The following CDH18 variants were observed in gnomAD, a reference collection of about 807,000 sequenced individuals.
CDH18 encodes the protein cadherin 18.
In CDH18, 31 loss-of-function variants were observed where a neutral mutation model predicts 67.9. The observed-to-expected ratio is 0.46, with a 90% CI of 0.34 to 0.62. The LOEUF is 0.62. CDH18 is among the 20% of genes least tolerant of loss of function. CDH18 has a pLI of 0.01. For synonymous variants in CDH18, 362 were observed against 347.2 expected (o/e 1.04, Z -0.48); for missense variants, 890 against 975.5 (o/e 0.91, Z 1.17).
At chr5:20,116,506 A>T (rs984556399) in intron 2 of CDH18, among the ~76,000 whole-genome samples, 64 of 150,362 alleles carry the variant, frequency 4.3e-4, no homozygotes, top group African/African-American at 1.5e-3. Context: ...ACAGAGAGAG[A>T]CTCCCTCTTA....
chr5:20,279,725 A>AAAAAAAAAAAAAAAAC lies in CDH18; in HGVS notation c.-579-24221_-579-24220insGTTTTTTTTTTTTTTT, dbSNP rs59764100. ...AAAAAAAAAAAAAAAAAAAAAAAAA[A>AAAAAAAAAAAAAAAAC]AAAGCAAAAACTGTAAGAGCGAGAT... is the stretch of plus-strand genomic sequence containing the variant. On this transcript the variant is annotated intron_variant, in intron 1 of 14. Coordinates refer to the CDH18 transcript ENST00000507958. Among the ~76,000 whole-genome samples, 36 of 128,852 alleles carry AAAAAAAAAAAAAAAAC rather than the reference A, an allele frequency of 2.8e-4. 1 individual carries two copies. The highest frequency in any genetic ancestry group is 7.1e-4 in the East Asian group (3 of 4,224). 84.5% of individuals were successfully genotyped at this position (128,852 alleles called of 152,430 possible).
intron 2 of CDH18, among the ~76,000 whole-genome samples, chr5:20,200,525 A>C (rs1398029594): frequency 6.6e-6 from 1 of 152,032 alleles, no homozygotes; most frequent in Non-Finnish European, 1.5e-5. Context: ...AAAGTATAAA[A>C]ATTAGCTGGG....
chr5:20,263,434 T>A (rs1744810557), intron 1 of CDH18, among the ~76,000 whole-genome samples: 1 of 152,164 alleles, frequency 6.6e-6, no homozygotes, highest in South Asian at 2.1e-4. Flanking sequence ...CAAACAAATA[T>A]AAAATTTTGG....
intron 5 of CDH18, among the ~76,000 whole-genome samples, chr5:19,639,916 C>G (rs1023515506): frequency 6.6e-6 from 1 of 152,178 alleles, no homozygotes; most frequent in African/African-American, 2.4e-5. Flanking sequence ...ATAAGGCTAT[C>G]AATGTCGTTC....
At chr5:19,687,252 C>G (rs1295498862) in intron 5 of CDH18, among the ~76,000 whole-genome samples, 1 of 152,150 alleles carries the variant, frequency 6.6e-6, no homozygotes, top group South Asian at 2.1e-4. Context: ...CTTGGTCCCA[C>G]ACACCTGCTA....
rs186400713 is a variant in CDH18 at position 20,165,889 on chromosome 5, T to C, written c.-518+89555A>G. Among the ~76,000 whole-genome samples the C allele has an allele frequency of 6.6e-3, 1,000 of 152,216 alleles. 8 individuals carry two copies. The highest frequency in any genetic ancestry group is 0.02 in the Middle Eastern group (6 of 294). ...TAATTCTATATATTAGCACAAAACA[T>C]TTTTTCACAATACAATTTTTGAACA... is the stretch of plus-strand genomic sequence containing the variant. On this transcript the variant is annotated intron_variant, in intron 2 of 14. Transcript: ENST00000507958.
chr5:19,857,243 G>T (rs532205230), intron 2 of CDH18, among the ~76,000 whole-genome samples: 60 of 119,364 alleles, frequency 5.0e-4, no homozygotes, highest in African/African-American at 1.8e-3. Context: ...AATAATAAAC[G>T]AATACTAAAA....
chr5:20,551,062 A>T (rs1757606646), intron 1 of CDH18, among the ~76,000 whole-genome samples: 1 of 152,210 alleles, frequency 6.6e-6, no homozygotes, highest in Non-Finnish European at 1.5e-5. Context: ...TTACAACAGA[A>T]ATTCAAACTA....
At chr5:20,278,844 T>G (rs190796349) in intron 1 of CDH18, among the ~76,000 whole-genome samples, 130 of 152,212 alleles carry the variant, frequency 8.5e-4, no homozygotes, top group Non-Finnish European at 1.6e-3. Flanking sequence ...AAGATATTGT[T>G]TGAAAGCCTC....
At chr5:19,482,304 A>G (rs540728339) in intron 12 of CDH18, among the ~76,000 whole-genome samples, 89 of 151,970 alleles carry the variant, frequency 5.9e-4, no homozygotes, top group Non-Finnish European at 1.1e-3. Flanking sequence ...TTTCAGTAGA[A>G]ACGGGGTTTC....
chr5:20,216,347 A>G (rs573584461), intron 2 of CDH18, among the ~76,000 whole-genome samples: 19 of 152,106 alleles, frequency 1.2e-4, no homozygotes, highest in African/African-American at 4.6e-4. Flanking sequence ...TCTGTGAAAC[A>G]CAATGAAGCA....
intron 1 of CDH18, among the ~76,000 whole-genome samples, chr5:20,522,593 GTAA>G (rs1273667268): frequency 6.6e-6 from 1 of 152,114 alleles, no homozygotes; most frequent in Non-Finnish European, 1.5e-5. Context: ...TGAATGTTAA[GTAA>G]TATTAATGTG....
At chr5:20,477,268 C>T (rs112375240) in intron 1 of CDH18, among the ~76,000 whole-genome samples, 5,300 of 152,124 alleles carry the variant, frequency 0.035, 134 homozygotes, top group Non-Finnish European at 0.054. Flanking sequence ...CAGTGGTCAT[C>T]CTGCACGCTC....
At chr5:20,504,023 G>A (rs1454871317) in intron 1 of CDH18, among the ~76,000 whole-genome samples, 2 of 143,484 alleles carry the variant, frequency 1.4e-5, no homozygotes, top group Non-Finnish European at 3.1e-5. Flanking sequence ...GGGCAACAGA[G>A]CAAGACTCTG....
chr5:19,738,859 T>C (rs921624344), intron 4 of CDH18, among the ~76,000 whole-genome samples: 3 of 152,266 alleles, frequency 2.0e-5, no homozygotes, highest in East Asian at 3.9e-4. Context: ...ATGTGTCACA[T>C]AGGTATATGC....
At chr5:20,316,387 G>A (rs914364818) in intron 1 of CDH18, among the ~76,000 whole-genome samples, 1 of 151,882 alleles carries the variant, frequency 6.6e-6, no homozygotes, top group Admixed American at 6.6e-5. Flanking sequence ...ATAATATTGT[G>A]GTTGCAAGTA....
At chr5:20,491,034 C>G (rs1753554350) in intron 1 of CDH18, among the ~76,000 whole-genome samples, 1 of 151,934 alleles carries the variant, frequency 6.6e-6, no homozygotes, top group African/African-American at 2.4e-5. Context: ...TTTCATGGAA[C>G]AATTATAAGT....
chr5:20,304,591 G>T, intron 1 of CDH18: 1 of 1,612,014 alleles, frequency 6.2e-7, no homozygotes, highest in African/African-American at 1.3e-5. Flanking sequence ...CAGGGGGACA[G>T]AGCTTAATGA....
chr5:19,971,457 G>A (rs1798006060), intron 2 of CDH18, among the ~76,000 whole-genome samples: 1 of 151,992 alleles, frequency 6.6e-6, no homozygotes, highest in Non-Finnish European at 1.5e-5. Context: ...TTAATTTAAT[G>A]TATATATAAA....
Sources: gnomAD v4.1 joint callset for allele counts (sites outside exome capture counted in the v4.1 genomes callset) on GRCh38, gnomAD v4.1.1 for gene constraint, MANE v1.5 for transcripts, NCBI Gene and HGNC (gene_info 2026-07-23, HGNC 2026-07-21) for gene names.